GJC2: variants seen among roughly 807,000 people sequenced by gnomAD.
GJC2 encodes the protein gap junction gamma-2 protein.
For synonymous variants in GJC2, 336 were observed against 307.5 expected, an observed-to-expected ratio of 1.09 and a Z score of -0.97; for missense variants, 647 against 648.9, an observed-to-expected ratio of 1.00 and a Z score of 0.03.
chr1:228,158,566 G>A lies in GJC2; in HGVS notation c.808G>A (p.Val270Ile), dbSNP rs1176304388. ...RPTEKTVFLL[V>I]MYVVSCLCLL... ...TACTGAAAAGACGGTCTTCCTGCTG[G>A]TTATGTACGTGGTCAGCTGCCTGTG... The change falls in exon 2 of 2, where the codon GTT (valine) becomes ATT (isoleucine). Residue 270 changes from valine (V) to isoleucine (I), a missense_variant. By Grantham distance (29) the Val-to-Ile change is conservative. Transcript: ENST00000366714. This position sits in a 1 kb window ranked among gnomAD's most constrained non-coding sequence, Gnocchi z 8.3. 2 of 1,612,600 alleles carry A rather than the reference G, an allele frequency of 1.2e-6. No homozygotes were observed. Among genetic ancestry groups the A allele is most frequent in the East Asian group, 4.5e-5 (2 of 44,848 alleles).
rs2034706434 is a variant in GJC2, at chr1:228,157,891, G to C, written c.133G>C (p.Ala45Pro). The C allele has an allele frequency of 6.2e-7, 1 of 1,612,532 alleles. No homozygotes were observed. Among genetic ancestry groups the C allele is most frequent in the Non-Finnish European group, 8.5e-7 (1 of 1,179,806 alleles). ...CGTGCTGACGGCTGTGGGCGGCGAG[G>C]CCATCTACTCGGACGAGCAGGCCAA... ...RIVLTAVGGEAIYSDEQAKFT... is the reference protein window; with the variant it reads ...RIVLTAVGGEPIYSDEQAKFT... The change falls in exon 2 of 2, where the codon GCC (alanine) becomes CCC (proline). Residue 45 changes from alanine (A) to proline (P), a missense_variant. Ala to Pro is a conservative substitution (Grantham distance 27). Transcript: ENST00000366714.
chr1:228,153,475 C>T (rs2034644186), intron 1 of GJC2, among the ~76,000 whole-genome samples: 1 of 150,522 alleles, frequency 6.6e-6, no homozygotes, highest in Non-Finnish European at 1.5e-5. Flanking sequence ...CAATCTTTCC[C>T]TCCGGGGTTC....
chr1:228,157,956 C>T lies in GJC2; in HGVS notation c.198C>T (p.Val66=). 6.2e-7 allele frequency: 1 copy of T among 1,612,756 alleles called. No individual in the cohort carries two copies. The highest frequency in any genetic ancestry group is 8.5e-7 in the Non-Finnish European group (1 of 1,179,854). Residue 66 remains valine (V), a synonymous_variant, in exon 2 of 2, where the codon GTC becomes GTT. Coordinates refer to ENST00000366714, the MANE Select transcript of GJC2 (RefSeq NM_020435.4). The stretch of plus-strand genomic sequence containing the variant: ...CGCGGCAGCCAGGCTGCGACAACGT[C>T]TGCTATGACGCCTTCGCGCCCCTGT... ...CNTRQPGCDN[V]CYDAFAPLSH...
chr1:228,158,780 A>T lies in GJC2; in HGVS notation c.1022A>T (p.Glu341Val). 7.3e-7 allele frequency: 1 copy of T among 1,367,500 alleles called. No homozygotes were observed. The allele number at this position is 1,367,500 out of a possible 1,614,324, so 84.7% of individuals were successfully genotyped here. A position where few individuals can be genotyped will look rare whatever the true frequency, so the allele number is the denominator to read the frequency against. ...PDYSLVVRAA[E>V]RARAHDQNLA... ...TACAGCCTGGTGGTGCGGGCGGCCG[A>T]GCGCGCTCGGGCGCATGACCAGAAC... Residue 341 changes from glutamate to valine, a missense_variant, in exon 2 of 2, where the codon GAG (glutamate) becomes GTG (valine). Physicochemically the swap from Glu to Val is moderately radical, Grantham distance 121. Coordinates refer to ENST00000366714, the MANE Select transcript of GJC2 (RefSeq NM_020435.4). This position sits in a 1 kb window ranked among gnomAD's most constrained non-coding sequence, Gnocchi z 8.3.
rs1041884814 is a variant in GJC2, at chr1:228,152,703, C to T, written c.-20+2696C>T. Among the ~76,000 whole-genome samples the T allele has an allele frequency of 6.6e-6, 1 of 151,758 alleles. No individual in the cohort carries two copies. Among genetic ancestry groups the T allele is most frequent in the African/African-American group, 2.4e-5 (1 of 41,290 alleles). On this transcript the variant is annotated intron_variant, in intron 1 of 1. Coordinates refer to ENST00000366714, the MANE Select transcript of GJC2 (RefSeq NM_020435.4). The surrounding 1 kb of genome is among the most constrained non-coding windows in gnomAD (Gnocchi z 7.3). ...CCCCTTTCACACCCTGGCCTAGTAG[C>T]GAGCCCCCATGAGACCCTGGTCCCC...
chr1:228,156,867 C>T (rs111905275), intron 1 of GJC2, among the ~76,000 whole-genome samples: 337 of 152,390 alleles, frequency 2.2e-3, no homozygotes, highest in Non-Finnish European at 3.7e-3. Flanking sequence ...GGCTGGTCTG[C>T]GGCATAGCTG....
rs1186052234 is a variant in GJC2, at chr1:228,159,246, G to A, written c.*168G>A. 6 of 796,466 alleles carry A rather than the reference G, an allele frequency of 7.5e-6. No individual in the cohort carries two copies. The East Asian group carries it at 8.3e-5, about 11-fold the overall frequency. The allele number at this position is 796,466 out of a possible 1,614,324, so 49.3% of individuals were successfully genotyped here. Reference sequence around the variant, plus strand: ...AAGGGGCTGAAAGCGGCAGAGGAGTGCCCTGGCTTGGTCACCACTGGGGCC... The same window carrying A: ...AAGGGGCTGAAAGCGGCAGAGGAGTACCCTGGCTTGGTCACCACTGGGGCC... On this transcript the variant is annotated 3_prime_UTR_variant, in exon 2 of 2. Coordinates refer to ENST00000366714, the MANE Select transcript of GJC2 (RefSeq NM_020435.4). This position sits in a 1 kb window ranked among gnomAD's most constrained non-coding sequence, Gnocchi z 4.0.
chr1:228,157,740 G>GGGGGGGGGGGGGGGCCC lies in GJC2; in HGVS notation c.-19_-18insGGGGGGGGGGGGGGCCC. ...GGCTGACCCCTACCCCGCCCCACAGGACCCGCCCGCCCGCCCCTATGACCA... is the reference window on the plus strand; with the variant it reads ...GGCTGACCCCTACCCCGCCCCACAGGGGGGGGGGGGGGGGCCCACCCGCCCGCCCGCCCCTATGACCA... On this transcript the variant is annotated splice_region_variant and 5_prime_UTR_variant, in exon 2 of 2. Transcript: ENST00000366714. 1 of 662,262 alleles carries GGGGGGGGGGGGGGGCCC rather than the reference G, an allele frequency of 1.5e-6. No individual in the cohort carries two copies. Among genetic ancestry groups the GGGGGGGGGGGGGGGCCC allele is most frequent in the Non-Finnish European group, 2.6e-6 (1 of 378,506 alleles). 41.0% of individuals were successfully genotyped at this position (662,262 alleles called of 1,614,324 possible).
At position 228,157,781 on chromosome 1, in the gene GJC2, T is replaced by A; in HGVS notation, c.23T>A (p.Phe8Tyr). The A allele has an allele frequency of 1.0e-6, 1 of 1,001,022 alleles. No homozygotes were observed. The highest frequency in any genetic ancestry group is 1.9e-5 in the African/African-American group (1 of 53,298). The allele number at this position is 1,001,022 out of a possible 1,614,324, so 62.0% of individuals were successfully genotyped here. Residue 8 changes from phenylalanine to tyrosine, a missense_variant, in exon 2 of 2, where the codon TTC (phenylalanine) becomes TAC (tyrosine). Coordinates refer to ENST00000366714, the MANE Select transcript of GJC2 (RefSeq NM_020435.4). MTNMSWS[F>Y]LTRLLEEIHN... is the part of the protein sequence containing the mutation. ...CCTATGACCAACATGAGCTGGAGCT[T>A]CCTGACGCGGCTGCTGGAGGAGATC...
chr1:228,158,200 CT>C lies in GJC2; in HGVS notation c.443del (p.Leu148ArgfsTer62). 6.8e-7 allele frequency: 1 copy of C among 1,474,976 alleles called. No individual in the cohort carries two copies. Among genetic ancestry groups the C allele is most frequent in the Non-Finnish European group, 9.0e-7 (1 of 1,116,908 alleles). 91.4% of individuals were successfully genotyped at this position (1,474,976 alleles called of 1,614,324 possible). A position where few individuals can be genotyped will look rare whatever the true frequency, so the allele number is the denominator to read the frequency against. On this transcript the variant is annotated frameshift_variant, in exon 2 of 2. Coordinates refer to ENST00000366714, the MANE Select transcript of GJC2 (RefSeq NM_020435.4). LOFTEE classifies it low-confidence loss of function (END_TRUNC). The surrounding 1 kb of genome is among the most constrained non-coding windows in gnomAD (Gnocchi z 8.3). ...PADLGEEEPM[L>X]GLGEEEEEEE... ...CGACCTGGGCGAGGAGGAGCCCATG[CT>C]GGGCCTGGGCGAGGAGGAGGAGGAG...
Position 228,157,741 on chromosome 1 carries a change from A to ACT in GJC2, c.-17_-16insTC. ...GCTGACCCCTACCCCGCCCCACAGG[A>ACT]CCCGCCCGCCCGCCCCTATGACCAA... On this transcript the variant is annotated splice_region_variant and 5_prime_UTR_variant, in exon 2 of 2. Coordinates refer to ENST00000366714, the MANE Select transcript of GJC2 (RefSeq NM_020435.4). The ACT allele has an allele frequency of 2.0e-5, 7 of 354,470 alleles. No individual in the cohort carries two copies. Among genetic ancestry groups the ACT allele is most frequent in the East Asian group, 8.9e-5 (1 of 11,226 alleles). 22.0% of individuals were successfully genotyped at this position (354,470 alleles called of 1,614,324 possible).
Position 228,159,008 on chromosome 1 carries a change from C to A in GJC2, c.1250C>A (p.Ala417Asp). 1 of 1,606,876 alleles carries A rather than the reference C, an allele frequency of 6.2e-7. No homozygotes were observed. Among genetic ancestry groups the A allele is most frequent in the African/African-American group, 1.3e-5 (1 of 74,946 alleles). ...GRPGTHERPG[A>D]KPRAGSEKGS... ...CCCGGCACCCACGAGCGGCCAGGAGCCAAGCCCAGGGCTGGCTCCGAGAAG... is the reference window on the plus strand; with the variant it reads ...CCCGGCACCCACGAGCGGCCAGGAGACAAGCCCAGGGCTGGCTCCGAGAAG... Residue 417 changes from alanine to aspartate, a missense_variant, in exon 2 of 2, where the codon GCC becomes GAC. Transcript: ENST00000366714. This position sits in a 1 kb window ranked among gnomAD's most constrained non-coding sequence, Gnocchi z 4.0.
rs1301826628 is a variant in GJC2 at position 228,151,652 on chromosome 1, G to A, written c.-20+1645G>A. Among the ~76,000 whole-genome samples the A allele has an allele frequency of 2.6e-5, 4 of 152,136 alleles. No individual in the cohort carries two copies. The highest frequency in any genetic ancestry group is 5.9e-5 in the Non-Finnish European group (4 of 68,008). On this transcript the variant is annotated intron_variant, in intron 1 of 1. Coordinates refer to ENST00000366714, the MANE Select transcript of GJC2 (RefSeq NM_020435.4). This position sits in a 1 kb window ranked among gnomAD's most constrained non-coding sequence, Gnocchi z 5.4. ...TGTGTACATGTGAAGGATGCATGAGGATGGCTGGTGCCCACACCCAGTGGG... is the reference window on the plus strand; with the variant it reads ...TGTGTACATGTGAAGGATGCATGAGAATGGCTGGTGCCCACACCCAGTGGG...
rs1305601485 is a variant in GJC2 at position 228,158,850 on chromosome 1, T to A, written c.1092T>A (p.Ala364=). ...AGGCGCTGCGCGACGGGGCAGCGGC[T>A]GGGGACCGCGACCGGGACAGTTCGC... ...ALQALRDGAA[A]GDRDRDSSPC... The change falls in exon 2 of 2, where the codon GCT becomes GCA. Residue 364 remains alanine, a synonymous_variant. Transcript: ENST00000366714. This position sits in a 1 kb window ranked among gnomAD's most constrained non-coding sequence, Gnocchi z 8.3. The A allele has an allele frequency of 6.1e-6, 9 of 1,474,040 alleles. 1 individual carries two copies. In the Admixed American group the frequency reaches 1.4e-4, roughly 23 times the overall value. 91.3% of individuals were successfully genotyped at this position (1,474,040 alleles called of 1,614,324 possible).
rs1272843453 is a variant in GJC2 at position 228,150,653 on chromosome 1, G to A, written c.-20+646G>A. On this transcript the variant is annotated intron_variant, in intron 1 of 1. Coordinates refer to ENST00000366714, the MANE Select transcript of GJC2 (RefSeq NM_020435.4). The surrounding 1 kb of genome is among the most constrained non-coding windows in gnomAD (Gnocchi z 4.6). ...CAGGCCCTCAGTGCAAGGAAGGGGC[G>A]GCGTGGCTGAGGAGGGGGAGGCCCA... Among the ~76,000 whole-genome samples, 3 of 151,962 alleles carry A rather than the reference G, an allele frequency of 2.0e-5. No homozygotes were observed. The highest frequency in any genetic ancestry group is 6.5e-5 in the Admixed American group (1 of 15,272).
intron 1 of GJC2, among the ~76,000 whole-genome samples, chr1:228,154,324 G>A (rs866751699): frequency 3.9e-5 from 6 of 152,162 alleles, no homozygotes; most frequent in African/African-American, 1.2e-4. Flanking sequence ...ATGCCCCTTG[G>A]GTGGGATCCC....
intron 1 of GJC2, among the ~76,000 whole-genome samples, chr1:228,157,123 G>A (rs2034691902): frequency 7.1e-6 from 1 of 141,668 alleles, no homozygotes; most frequent in South Asian, 2.1e-4. Flanking sequence ...TGGAGGTGGA[G>A]GGACCCCGAC....
In GJC2 at chr1:228,157,793, T is replaced by C. The variant is rs765598965; in HGVS notation, c.35T>C (p.Leu12Pro). 44 of 1,298,066 alleles carry C rather than the reference T, an allele frequency of 3.4e-5. No homozygotes were observed. Among genetic ancestry groups the C allele is most frequent in the Non-Finnish European group, 6.1e-6 (6 of 988,598 alleles). 80.4% of individuals were successfully genotyped at this position (1,298,066 alleles called of 1,614,324 possible). A position where few individuals can be genotyped will look rare whatever the true frequency, so the allele number is the denominator to read the frequency against. The change falls in exon 2 of 2, where the codon CTG (leucine) becomes CCG (proline). Residue 12 changes from leucine to proline, a missense_variant. Transcript: ENST00000366714. ...ATGAGCTGGAGCTTCCTGACGCGGC[T>C]GCTGGAGGAGATCCACAACCACTCC... is the stretch of plus-strand genomic sequence containing the variant. The part of the protein sequence containing the change: ...TNMSWSFLTR[L>P]LEEIHNHSTF...
At chr1:228,153,341 A>T (rs2034642269) in intron 1 of GJC2, among the ~76,000 whole-genome samples, 1 of 150,280 alleles carries the variant, frequency 6.7e-6, no homozygotes, top group African/African-American at 2.5e-5. Context: ...GTGAGTTATG[A>T]TTGTGCGGCT....
Sources: gnomAD v4.1 joint callset for allele counts (sites outside exome capture counted in the v4.1 genomes callset) on GRCh38, gnomAD v4.1.1 for gene constraint, Gnocchi (gnomAD v3.1) non-coding constraint, MANE v1.5 for transcripts, NCBI Gene and HGNC (gene_info 2026-07-23, HGNC 2026-07-21) for gene names.